The following L3MBTL4 variants were observed in gnomAD, a reference collection of about 807,000 sequenced individuals.
L3MBTL4 encodes the protein lethal(3)malignant brain tumor-like protein 4.
A neutral mutation model predicts 84.5 loss-of-function variants in L3MBTL4; 70 were observed. The ratio of observed to expected loss-of-function variants is 0.83; its 90% CI spans 0.68 to 1.01. The LOEUF (loss-of-function observed/expected upper bound fraction) is 1.01, where lower values mean the gene tolerates loss of function less well. L3MBTL4 is among the 50% of genes least tolerant of loss of function. The probability of loss-of-function intolerance (pLI) is 0.00; values close to 1 mark genes in which losing one functional copy is unlikely to be tolerated. For missense variants in L3MBTL4, 715 were observed against 754.8 expected (o/e 0.95, Z 0.62); for synonymous variants, 274 against 259.8 (o/e 1.05, Z -0.52).
At chr18:6,305,107 T>C (rs1426072319) in intron 3 of L3MBTL4, among the ~76,000 whole-genome samples, 1 of 152,218 alleles carries the variant, frequency 6.6e-6, no homozygotes, top group African/African-American at 2.4e-5. Context: ...CATACACATA[T>C]ACACACGAAA....
intron 10 of L3MBTL4, among the ~76,000 whole-genome samples, chr18:6,221,407 T>C (rs1432577169): frequency 6.6e-6 from 1 of 152,102 alleles, no homozygotes; most frequent in Non-Finnish European, 1.5e-5. Context: ...TATCTGTCTA[T>C]TGGATCTGCC....
chr18:6,195,032 G>A (rs2045312050), intron 12 of L3MBTL4, among the ~76,000 whole-genome samples: 1 of 152,170 alleles, frequency 6.6e-6, no homozygotes, highest in South Asian at 2.1e-4. Context: ...TAGAATGAAG[G>A]GAATGATACC....
intron 13 of L3MBTL4, among the ~76,000 whole-genome samples, chr18:6,140,199 A>G (rs1346025515): frequency 2.0e-5 from 3 of 152,152 alleles, no homozygotes; most frequent in Non-Finnish European, 4.4e-5. Context: ...TGGAGGTTCC[A>G]GGCCACTAAT....
chr18:6,016,391 T>C (rs2054980161), intron 16 of L3MBTL4, among the ~76,000 whole-genome samples: 1 of 152,218 alleles, frequency 6.6e-6, no homozygotes, highest in Admixed American at 6.5e-5. Context: ...GATTATGGCT[T>C]TAATTTCTCT....
intron 16 of L3MBTL4, among the ~76,000 whole-genome samples, chr18:5,970,201 G>A (rs765692172): frequency 2.0e-5 from 3 of 152,218 alleles, no homozygotes; most frequent in African/African-American, 4.8e-5. Context: ...GGAAAGCAGC[G>A]GAAGCTGAGA....
intron 1 of L3MBTL4, among the ~76,000 whole-genome samples, chr18:6,359,190 C>A (rs373902094): frequency 1.3e-5 from 2 of 152,176 alleles, no homozygotes; most frequent in East Asian, 1.9e-4. Flanking sequence ...CTGGGCACGG[C>A]GGCTCATGCC....
intron 18 of L3MBTL4, among the ~76,000 whole-genome samples, 175 bp downstream of exon 18, chr18:5,959,919 C>A (rs2095253873): frequency 6.6e-6 from 1 of 151,694 alleles, no homozygotes; most frequent in African/African-American, 2.4e-5. Context: ...CCTGCTGGAT[C>A]TCCTTTGTCT....
intron 16 of L3MBTL4, among the ~76,000 whole-genome samples, chr18:5,990,495 A>G (rs1021193866): frequency 6.6e-6 from 1 of 152,294 alleles, no homozygotes; most frequent in East Asian, 1.9e-4. Context: ...GGACAATTTC[A>G]CCTCCAAACA....
chr18:6,187,156 T>C (rs951748600), intron 12 of L3MBTL4, among the ~76,000 whole-genome samples: 2 of 152,240 alleles, frequency 1.3e-5, no homozygotes, highest in African/African-American at 4.8e-5. Flanking sequence ...TCAGAGTAGA[T>C]GCTTGTTTTT....
intron 1 of L3MBTL4, among the ~76,000 whole-genome samples, chr18:6,394,135 AT>A (rs140557379): frequency 0.14 from 21,994 of 152,024 alleles, 1,657 homozygotes; most frequent in Non-Finnish European, 0.15. Flanking sequence ...CCTTTACTCT[AT>A]GTTACTTTGC....
At chr18:6,137,647 A>C (rs1008984766) in intron 14 of L3MBTL4, among the ~76,000 whole-genome samples, 3 of 152,276 alleles carry the variant, frequency 2.0e-5, no homozygotes, top group Non-Finnish European at 2.9e-5. Flanking sequence ...TGATGAGGAT[A>C]GACAAAGAAG....
At chr18:6,319,650 CA>C (rs1042615607) in intron 1 of L3MBTL4, among the ~76,000 whole-genome samples, 1 of 151,276 alleles carries the variant, frequency 6.6e-6, no homozygotes, top group East Asian at 1.9e-4. Context: ...AAAATGTCAA[CA>C]AAAAAAAGCA....
intron 12 of L3MBTL4, among the ~76,000 whole-genome samples, chr18:6,210,086 A>T (rs1006985521): frequency 1.3e-5 from 2 of 152,230 alleles, no homozygotes; most frequent in Non-Finnish European, 2.9e-5. Flanking sequence ...TGGTTGCACA[A>T]CTTTGTGAAT....
At chr18:6,054,820 G>T (rs1416420207) in intron 16 of L3MBTL4, among the ~76,000 whole-genome samples, 1 of 152,190 alleles carries the variant, frequency 6.6e-6, no homozygotes, top group Non-Finnish European at 1.5e-5. Context: ...CCACAGACAT[G>T]GTTCTGTGGA....
chr18:6,096,612 A>G (rs1332746482), intron 14 of L3MBTL4, among the ~76,000 whole-genome samples: 1 of 152,062 alleles, frequency 6.6e-6, no homozygotes, highest in Admixed American at 6.5e-5. Flanking sequence ...GTACGCATGC[A>G]TGTGTGTGTG....
chr18:6,034,933 G>A (rs1245732014), intron 16 of L3MBTL4, among the ~76,000 whole-genome samples: 48 of 150,692 alleles, frequency 3.2e-4, no homozygotes, highest in African/African-American at 1.1e-3. Flanking sequence ...TTTTTTGGCT[G>A]CATAAATGTC....
At chr18:6,307,403 C>T (rs943260966) in intron 3 of L3MBTL4, among the ~76,000 whole-genome samples, 1 of 147,716 alleles carries the variant, frequency 6.8e-6, no homozygotes, top group Non-Finnish European at 1.5e-5. Context: ...CGCCACTGCA[C>T]TCCAGCCTGG....
rs183904515 is a variant in L3MBTL4 at position 6,116,819 on chromosome 18, A to G, written c.1199+21375T>C. Among the ~76,000 whole-genome samples, 824 of 152,350 alleles carry G rather than the reference A, an allele frequency of 5.4e-3. 3 individuals are homozygous for G. Among genetic ancestry groups the G allele is most frequent in the Middle Eastern group, 0.01 (3 of 294 alleles). ...TAAAGCAAATACCTGTGTAGCCAGC[A>G]TCATGGTCAAGAAACTAAATACTTC... is the stretch of plus-strand genomic sequence containing the variant. On this transcript the variant is annotated intron_variant, in intron 14 of 18. Transcript: ENST00000317931.
At chr18:6,352,282 C>A (rs1197527456) in intron 1 of L3MBTL4, among the ~76,000 whole-genome samples, 2 of 152,182 alleles carry the variant, frequency 1.3e-5, no homozygotes, top group African/African-American at 4.8e-5. Flanking sequence ...TCTACAAACC[C>A]AATCTCCTCA....
Sources: allele counts gnomAD v4.1 joint callset (sites outside exome capture counted in the v4.1 genomes callset), GRCh38; gene constraint gnomAD v4.1.1; transcripts MANE v1.5; gene names NCBI Gene and HGNC (gene_info 2026-07-23, HGNC 2026-07-21).